Variants in SGCZ observed in about 807,000 individuals in gnomAD.
SGCZ encodes the protein zeta-sarcoglycan.
In SGCZ, 40 loss-of-function variants were observed where a neutral mutation model predicts 41.3. The observed-to-expected ratio is 0.97, with a 90% CI of 0.75 to 1.26. SGCZ has a LOEUF of 1.26. Ranked by LOEUF, SGCZ falls within the 50% of genes most tolerant of loss-of-function variation. SGCZ has a pLI of 0.00. For missense variants in SGCZ, 552 were observed against 369.8 expected, an observed-to-expected ratio of 1.49 and a Z score of -4.04; for synonymous variants, 206 against 137.5, an observed-to-expected ratio of 1.50 and a Z score of -3.49.
intron 1 of SGCZ, among the ~76,000 whole-genome samples, chr8:15,142,518 T>G (rs977249592): frequency 6.6e-6 from 1 of 152,058 alleles, no homozygotes; most frequent in African/African-American, 2.4e-5. Flanking sequence ...AAACTGGCCC[T>G]CAGCCTGCAA....
intron 2 of SGCZ, among the ~76,000 whole-genome samples, chr8:14,419,931 G>A (rs1284034823): frequency 1.3e-5 from 2 of 152,000 alleles, no homozygotes; most frequent in African/African-American, 2.4e-5. Flanking sequence ...CATCCCCCAT[G>A]TCATTACAGA....
At chr8:14,470,747 T>A (rs948571012) in intron 2 of SGCZ, among the ~76,000 whole-genome samples, 1 of 152,130 alleles carries the variant, frequency 6.6e-6, no homozygotes, top group African/African-American at 2.4e-5. Context: ...AAGTGCCAAA[T>A]GTATGAAATC....
intron 1 of SGCZ, among the ~76,000 whole-genome samples, chr8:14,666,396 T>G (rs1376450609): frequency 6.6e-6 from 1 of 152,212 alleles, no homozygotes; most frequent in African/African-American, 2.4e-5. Context: ...TTAATATTCC[T>G]CATTTTATGA....
intron 1 of SGCZ, among the ~76,000 whole-genome samples, chr8:14,916,401 G>C (rs1177048803): frequency 6.6e-6 from 1 of 152,134 alleles, no homozygotes; most frequent in Admixed American, 6.5e-5. Flanking sequence ...GACATAGATA[G>C]CATGGAAGAA....
chr8:14,594,808 T>C (rs1234691709), intron 1 of SGCZ, among the ~76,000 whole-genome samples: 1 of 151,896 alleles, frequency 6.6e-6, no homozygotes, highest in Non-Finnish European at 1.5e-5. Context: ...TTAAAGAGAC[T>C]ATGCAATGTT....
intron 2 of SGCZ, among the ~76,000 whole-genome samples, chr8:14,476,085 G>A (rs1333144939): frequency 6.6e-6 from 1 of 152,076 alleles, no homozygotes; most frequent in Non-Finnish European, 1.5e-5. Context: ...GATTACTGGT[G>A]TGCTGGCCTG....
At chr8:15,032,172 C>T (rs1157800665) in intron 1 of SGCZ, among the ~76,000 whole-genome samples, 1 of 152,070 alleles carries the variant, frequency 6.6e-6, no homozygotes, top group Non-Finnish European at 1.5e-5. Context: ...CTAGGACATT[C>T]AAGCGCTCAC....
intron 2 of SGCZ, among the ~76,000 whole-genome samples, chr8:14,460,968 G>C (rs1168146556): frequency 1.3e-5 from 2 of 152,024 alleles, no homozygotes; most frequent in Non-Finnish European, 2.9e-5. Flanking sequence ...CCTAGATTTT[G>C]ATTATTTAAT....
chr8:14,190,860 C>G (rs150627103), intron 4 of SGCZ, among the ~76,000 whole-genome samples: 3,222 of 152,230 alleles, frequency 0.021, 43 homozygotes, highest in South Asian at 0.035. Flanking sequence ...CCTCGGACTC[C>G]CAAAGTGCTG....
chr8:14,472,090 C>G (rs944032625), intron 2 of SGCZ, among the ~76,000 whole-genome samples: 6 of 152,004 alleles, frequency 3.9e-5, no homozygotes, highest in African/African-American at 4.8e-5. Flanking sequence ...ATTTGCTTCT[C>G]TGGTTTTTGC....
chr8:14,434,414 T>C (rs117791778), intron 2 of SGCZ, among the ~76,000 whole-genome samples: 4 of 152,192 alleles, frequency 2.6e-5, no homozygotes, highest in Non-Finnish European at 4.4e-5. Context: ...GCCTCCAGAT[T>C]TGTTCTTTTT....
intron 5 of SGCZ, among the ~76,000 whole-genome samples, chr8:14,135,470 C>T (rs1803167534): frequency 6.6e-6 from 1 of 152,118 alleles, no homozygotes; most frequent in Non-Finnish European, 1.5e-5. Flanking sequence ...ACAGGGCTTT[C>T]TCCCAGATGA....
chr8:14,853,206 T>C (rs1803403579), intron 1 of SGCZ, among the ~76,000 whole-genome samples: 1 of 152,220 alleles, frequency 6.6e-6, no homozygotes, highest in African/African-American at 2.4e-5. Context: ...ATTTTCTCTT[T>C]ATGGTATAAA....
chr8:14,211,361 T>C (rs1805801490), intron 4 of SGCZ, among the ~76,000 whole-genome samples: 1 of 152,162 alleles, frequency 6.6e-6, no homozygotes, highest in Admixed American at 6.5e-5. Context: ...ACCCAGGCGC[T>C]ACCAGTTTCC....
At chr8:14,562,922 C>G (rs1235512081) in intron 1 of SGCZ, among the ~76,000 whole-genome samples, 3 of 152,156 alleles carry the variant, frequency 2.0e-5, no homozygotes, top group African/African-American at 7.2e-5. Flanking sequence ...GAACTAGAGA[C>G]AATGTCAGCA....
At chr8:14,718,056 T>C (rs1314574292) in intron 1 of SGCZ, among the ~76,000 whole-genome samples, 1 of 150,400 alleles carries the variant, frequency 6.6e-6, no homozygotes, top group East Asian at 2.0e-4. Flanking sequence ...ATAGTTTTCC[T>C]ATTTTTCTTA....
intron 1 of SGCZ, among the ~76,000 whole-genome samples, chr8:14,928,685 C>A (rs566870560): frequency 1.3e-5 from 2 of 152,110 alleles, no homozygotes; most frequent in Non-Finnish European, 2.9e-5. Flanking sequence ...TTGTTAAGAA[C>A]ATAATTGTTA....
At chr8:14,891,851 A>C (rs181177719) in intron 1 of SGCZ, among the ~76,000 whole-genome samples, 142 of 152,344 alleles carry the variant, frequency 9.3e-4, no homozygotes, top group Non-Finnish European at 1.7e-3. Flanking sequence ...TGCAGACAAT[A>C]TCCTCCACAA....
intron 1 of SGCZ, among the ~76,000 whole-genome samples, chr8:14,982,729 T>G (rs1162680335): frequency 6.6e-6 from 1 of 152,202 alleles, no homozygotes; most frequent in Middle Eastern, 3.2e-3. Context: ...TAGAGAAAAC[T>G]AAATCATAGC....
Sources: allele counts gnomAD v4.1 joint callset (sites outside exome capture counted in the v4.1 genomes callset), GRCh38; gene constraint gnomAD v4.1.1; transcripts MANE v1.5; gene names NCBI Gene and HGNC (gene_info 2026-07-23, HGNC 2026-07-21).